CYB5R2: variants seen among roughly 807,000 people sequenced by gnomAD.
The protein encoded by CYB5R2 is NADH-cytochrome b5 reductase 2.
Under a neutral mutation model 29.8 loss-of-function variants are expected in CYB5R2, and 35 were observed. The ratio of observed to expected loss-of-function variants is 1.17; its 90% CI spans 0.90 to 1.56. CYB5R2 has a LOEUF of 1.56. Among genes scored for constraint, CYB5R2 ranks in the 40% most tolerant of loss-of-function variants. The pLI, the probability that CYB5R2 is intolerant of heterozygous loss-of-function variation, is 0.00. For missense variants in CYB5R2, 419 were observed against 346.7 expected (o/e 1.21, Z -1.66); for synonymous variants, 169 against 130.6 (o/e 1.29, Z -2.01).
intron 3 of CYB5R2, 97 bp downstream of exon 3, chr11:7,672,354 C>A: frequency 9.6e-7 from 1 of 1,043,690 alleles, no homozygotes; most frequent in South Asian, 1.4e-5. Context: ...AGGGCATCTT[C>A]CACACCTCAG....
intron 8 of CYB5R2, chr11:7,666,075 G>A (rs762584484): frequency 7.8e-5 from 52 of 665,172 alleles, no homozygotes; most frequent in Middle Eastern, 7.3e-4. Context: ...TGAGGTGGGC[G>A]GTAAGGGGTG....
chr11:7,669,608 T>C lies in CYB5R2; in HGVS notation c.258+17A>G, dbSNP rs375629860. 3.1e-4 allele frequency: 475 copies of C among 1,554,976 alleles called. No individual in the cohort carries two copies. Among genetic ancestry groups the C allele is most frequent in the Non-Finnish European group, 4.0e-4 (456 of 1,146,980 alleles). On this transcript the variant is annotated intron_variant, in intron 4 of 8. Coordinates refer to ENST00000299498, the MANE Select transcript of CYB5R2 (RefSeq NM_016229.5). Reference sequence around the variant, plus strand: ...CTTGGAAGCACGAGCTAGCCAGATATGGTGGGCACTATTTACCTTTATAAT... The same window carrying C: ...CTTGGAAGCACGAGCTAGCCAGATACGGTGGGCACTATTTACCTTTATAAT...
Position 7,665,366 on chromosome 11 carries a change from T to G in CYB5R2, c.*8A>C, listed in dbSNP as rs750587309. ...GGGACATGCAAAATTGCTGAGCACG[T>G]GGAGGTGTTAGTAGGTGAAAATCAT... On this transcript the variant is annotated 3_prime_UTR_variant, in exon 9 of 9. Transcript: ENST00000299498. The G allele has an allele frequency of 2.1e-5, 32 of 1,496,724 alleles. No homozygotes were observed. The highest frequency in any genetic ancestry group is 2.8e-5 in the Non-Finnish European group (31 of 1,119,410). The allele number at this position is 1,496,724 out of a possible 1,614,324, so 92.7% of individuals were successfully genotyped here. A position where few individuals can be genotyped will look rare whatever the true frequency, so the allele number is the denominator to read the frequency against.
At position 7,666,466 on chromosome 11, in the gene CYB5R2, C is replaced by G; in HGVS notation, c.643G>C (p.Asp215His). The change falls in exon 8 of 9, where the codon GAC (aspartate) becomes CAC (histidine). Residue 215 changes from aspartate (D) to histidine (H), a missense_variant. Transcript: ENST00000299498. ...PDQFNLWYTL[D>H]RPPIGWKYSS... is the part of the protein sequence containing the mutation. The stretch of plus-strand genomic sequence containing the variant: ...GATGTCGTACCAATGGGAGGCCTGT[C>G]CAGGGTGTACCACAGGTTGAACTGG... 6.2e-7 allele frequency: 1 copy of G among 1,612,276 alleles called. No individual in the cohort carries two copies. The highest frequency in any genetic ancestry group is 8.5e-7 in the Non-Finnish European group (1 of 1,178,716).
chr11:7,669,704 A>G lies in CYB5R2; in HGVS notation c.179T>C (p.Ile60Thr), dbSNP rs759734276. The G allele has an allele frequency of 1.3e-5, 21 of 1,614,124 alleles. No homozygotes were observed. Among genetic ancestry groups the G allele is most frequent in the Non-Finnish European group, 1.7e-5 (20 of 1,180,000 alleles). Reference sequence around the variant, plus strand: ...AGCCCTGACCACCAATTCATTATCGATTTTTGCCAAGAGCTGGACATAGTT... The same window carrying G: ...AGCCCTGACCACCAATTCATTATCGGTTTTTGCCAAGAGCTGGACATAGTT... ...VGNYVQLLAK[I>T]DNELVVRAYT... is the part of the protein sequence containing the mutation. The change falls in exon 4 of 9, where the codon ATC becomes ACC. Residue 60 changes from isoleucine to threonine, a missense_variant. Ile to Thr is a moderately conservative substitution (Grantham distance 89, BLOSUM62 -1). Transcript: ENST00000299498.
At chr11:7,673,895 A>G (rs1352581692), upstream of CYB5R2, 1 of 997,276 alleles carries the variant, frequency 1.0e-6, no homozygotes, top group East Asian at 1.1e-4. Context: ...GCAGGCTGGG[A>G]CCCCGGCGGC....
Position 7,668,854 on chromosome 11 carries a change from G to A in CYB5R2, c.389-293C>T, listed in dbSNP as rs116522458. 1.3e-3 allele frequency: 768 copies of A among 576,632 alleles called. 4 individuals carry two copies. Among genetic ancestry groups the A allele is most frequent in the African/African-American group, 0.012 (629 of 53,600 alleles). 35.7% of individuals were successfully genotyped at this position (576,632 alleles called of 1,614,324 possible). On this transcript the variant is annotated intron_variant, in intron 5 of 8. Coordinates refer to ENST00000299498, the MANE Select transcript of CYB5R2 (RefSeq NM_016229.5). ...AGACTCAAAGAGCATTCTCACTCAC[G>A]GAGGTGAACCAGTGAGTAAACAATG...
At chr11:7,669,860 G>T in intron 3 of CYB5R2, 129 bp from the exon 4 acceptor site, 1 of 730,894 alleles carries the variant, frequency 1.4e-6, no homozygotes, top group Non-Finnish European at 2.3e-6. Context: ...GGGAAGAAGA[G>T]AGCAGGGAAG....
chr11:7,673,534 C>T (rs1188718285), upstream of CYB5R2: 27 of 985,214 alleles, frequency 2.7e-5, no homozygotes, highest in Non-Finnish European at 3.3e-5. Context: ...CCGCCCCACT[C>T]CCCGCCCTTC....
chr11:7,673,942 TCTCA>T (rs962824457), upstream of CYB5R2: 12 of 999,806 alleles, frequency 1.2e-5, no homozygotes, highest in Non-Finnish European at 1.4e-5. Flanking sequence ...GTCGGGGGGC[TCTCA>T]CTCACGAGCC....
upstream of CYB5R2, chr11:7,673,771 C>A: frequency 1.0e-6 from 1 of 987,372 alleles, no homozygotes; most frequent in South Asian, 4.7e-5. Context: ...GGGGCCGCTC[C>A]CCGCCGCGGG....
At chr11:7,667,949 A>G in intron 6 of CYB5R2, 136 bp from the exon 7 acceptor site, 1 of 703,430 alleles carries the variant, frequency 1.4e-6, no homozygotes, top group Non-Finnish European at 2.5e-6. Flanking sequence ...TCAAAGCAGG[A>G]AACAGCCCTT....
intron 1 of CYB5R2, 51 bp downstream of exon 1, chr11:7,673,368 C>T: frequency 3.0e-6 from 3 of 1,002,702 alleles, no homozygotes; most frequent in Non-Finnish European, 3.6e-6. Flanking sequence ...CGAAGGGGGC[C>T]TGGGCACTCA....
chr11:7,670,906 G>C (rs577159961), intron 3 of CYB5R2: 2 of 149,696 alleles, frequency 1.3e-5, no homozygotes, highest in South Asian at 4.3e-4. Context: ...TACTCGCTCA[G>C]AAACTGAGTG....
intron 4 of CYB5R2, 47 bp downstream of exon 4, chr11:7,669,578 G>A (rs778212821): frequency 6.8e-7 from 1 of 1,466,418 alleles, no homozygotes; most frequent in Non-Finnish European, 9.3e-7. Context: ...ACCACCCTCA[G>A]TAGGCTTGGA....
chr11:7,673,309 G>A lies in CYB5R2; in HGVS notation c.-67+110C>T, dbSNP rs1198778260. 3 of 945,156 alleles carry A rather than the reference G, an allele frequency of 3.2e-6. No homozygotes were observed. The South Asian group carries it at 1.2e-4, about 36-fold the overall frequency. 58.5% of individuals were successfully genotyped at this position (945,156 alleles called of 1,614,324 possible). A position where few individuals can be genotyped will look rare whatever the true frequency, so the allele number is the denominator to read the frequency against. On this transcript the variant is annotated intron_variant, in intron 1 of 8. Coordinates refer to ENST00000299498, the MANE Select transcript of CYB5R2 (RefSeq NM_016229.5). ...ACTAGGGTGCGTAGCTCTAAGAGGT[G>A]CCCCGTGACTTAGGGCCTGGGGACT...
intron 4 of CYB5R2, 43 bp from the exon 5 acceptor site, chr11:7,669,377 T>A: frequency 6.3e-7 from 1 of 1,579,722 alleles, no homozygotes; most frequent in African/African-American, 1.4e-5. Context: ...CCAGACACAA[T>A]GCCACAGCCA....
In CYB5R2 at chr11:7,669,259, C is replaced by T. The variant is rs962632087; in HGVS notation, c.334G>A (p.Gly112Arg). 32 of 1,613,990 alleles carry T rather than the reference C, an allele frequency of 2.0e-5. No homozygotes were observed. The highest frequency in any genetic ancestry group is 1.5e-4 in the African/African-American group (11 of 74,900). The change falls in exon 5 of 9, where the codon GGG becomes AGG. Residue 112 changes from glycine (G) to arginine (R), a missense_variant. By Grantham distance (125) the Gly-to-Arg change is moderately radical. Transcript: ENST00000299498. ...MTQYLENMKIGETIFFRGPRG... is the reference protein window; with the variant it reads ...MTQYLENMKIRETIFFRGPRG... ...GGCCCTCGAAAAAAGATGGTCTCCCCGATTTTCATGTTCTCCAAATACTGA... is the reference window on the plus strand; with the variant it reads ...GGCCCTCGAAAAAAGATGGTCTCCCTGATTTTCATGTTCTCCAAATACTGA...
At chr11:7,673,834 G>T, upstream of CYB5R2, 1 of 987,950 alleles carries the variant, frequency 1.0e-6, no homozygotes. Flanking sequence ...CGGGGAACCG[G>T]CCGAGACCCG....
Sources: allele counts gnomAD v4.1 joint callset, GRCh38; gene constraint gnomAD v4.1.1; transcripts MANE v1.5; gene names NCBI Gene and HGNC (gene_info 2026-07-23, HGNC 2026-07-21).